Variants in TOX4 observed in about 807,000 individuals in gnomAD.
The protein encoded by TOX4 is epidermal Langerhans cell protein LCP1.
TOX4 carries 12 observed loss-of-function variants against 61.0 expected under a neutral mutation model. That is an observed-to-expected ratio of 0.20 (90% CI 0.13 to 0.32). The LOEUF (loss-of-function observed/expected upper bound fraction) is 0.32. Ranked by LOEUF, TOX4 falls within the 10% of genes least tolerant of loss-of-function variation. TOX4 has a pLI of 1.00. For synonymous variants in TOX4, 268 were observed against 274.8 expected (o/e 0.98, Z 0.24); for missense variants, 499 against 753.3 (o/e 0.66, Z 3.95).
Position 21,498,626 on chromosome 14 carries a change from G to C in TOX4, c.*2020G>C, listed in dbSNP as rs931381708. ...TTAGCCAGGCCTGCTTCACAGAGTT[G>C]CTACCAGGGAGTATTCTTTGGATAA... is the stretch of plus-strand genomic sequence containing the variant. On this transcript the variant is annotated 3_prime_UTR_variant, in exon 9 of 9. Transcript: ENST00000448790. 7 of 530,688 alleles carry C rather than the reference G, an allele frequency of 1.3e-5. No individual in the cohort carries two copies. In the African/African-American group the frequency reaches 1.3e-4, roughly 10 times the overall value. The allele number at this position is 530,688 out of a possible 1,614,324, so 32.9% of individuals were successfully genotyped here. A position where few individuals can be genotyped will look rare whatever the true frequency, so the allele number is the denominator to read the frequency against.
rs935702389 is a variant in TOX4 at position 21,488,233 on chromosome 14, T to A, written c.319-357T>A. ...TTATTTATGCTGATTGCCTATGTAT[T>A]ACAATTTTAAAAGCTATTATTTTGG... On this transcript the variant is annotated intron_variant, in intron 3 of 8. Coordinates refer to ENST00000448790, the MANE Select transcript of TOX4 (RefSeq NM_014828.4). 32 of 210,898 alleles carry A rather than the reference T, an allele frequency of 1.5e-4. 1 individual carries two copies. Among genetic ancestry groups the A allele is most frequent in the African/African-American group, 6.8e-4 (29 of 42,900 alleles). 13.1% of individuals were successfully genotyped at this position (210,898 alleles called of 1,614,324 possible). A position where few individuals can be genotyped will look rare whatever the true frequency, so the allele number is the denominator to read the frequency against.
Position 21,486,369 on chromosome 14 carries a change from T to C in TOX4, c.76-1082T>C, listed in dbSNP as rs1484894539. Among the ~76,000 whole-genome samples the C allele has an allele frequency of 1.9e-5, 2 of 107,488 alleles. 1 individual carries two copies. The highest frequency in any genetic ancestry group is 4.1e-5 in the Non-Finnish European group (2 of 48,848). The allele number at this position is 107,488 out of a possible 152,430, so 70.5% of individuals were successfully genotyped here. The stretch of plus-strand genomic sequence containing the variant: ...TTGGTTGGGGTGGGGGTAATCATTA[T>C]TAGGATATTATCATTCATAACAATG... On this transcript the variant is annotated intron_variant, in intron 2 of 8. Transcript: ENST00000448790.
At chr14:21,494,010 GA>G (rs1274449455) in intron 7 of TOX4, among the ~76,000 whole-genome samples, 12 of 151,914 alleles carry the variant, frequency 7.9e-5, no homozygotes, top group African/African-American at 2.7e-4. Context: ...CGGCCTCCCA[GA>G]GTGCAGGGAT....
rs1891462379 is a variant in TOX4 at position 21,498,410 on chromosome 14, A to C, written c.*1804A>C. 2 of 1,596,640 alleles carry C rather than the reference A, an allele frequency of 1.3e-6. No individual in the cohort carries two copies. Among genetic ancestry groups the C allele is most frequent in the African/African-American group, 2.7e-5 (2 of 74,452 alleles). ...AGGAGGGGCAAACCAGAAATCCTGG[A>C]ATTAGAGGGTTTAATATTGTTAAAA... On this transcript the variant is annotated 3_prime_UTR_variant, in exon 9 of 9. Transcript: ENST00000448790.
chr14:21,498,439 G>T lies in TOX4; in HGVS notation c.*1833G>T. ...AGAGGGTTTAATATTGTTAAAAAATGCATACCAAATGAAGACTGCCTATCA... is the reference window on the plus strand; with the variant it reads ...AGAGGGTTTAATATTGTTAAAAAATTCATACCAAATGAAGACTGCCTATCA... On this transcript the variant is annotated 3_prime_UTR_variant, in exon 9 of 9. Coordinates refer to ENST00000448790, the MANE Select transcript of TOX4 (RefSeq NM_014828.4). 8 of 1,460,654 alleles carry T rather than the reference G, an allele frequency of 5.5e-6. No homozygotes were observed. The highest frequency in any genetic ancestry group is 7.6e-6 in the Non-Finnish European group (8 of 1,052,058). 90.5% of individuals were successfully genotyped at this position (1,460,654 alleles called of 1,614,324 possible). A position where few individuals can be genotyped will look rare whatever the true frequency, so the allele number is the denominator to read the frequency against.
At chr14:21,486,965 T>TTAGC (rs1594427114) in intron 2 of TOX4, among the ~76,000 whole-genome samples, 1 of 152,222 alleles carries the variant, frequency 6.6e-6, no homozygotes, top group East Asian at 1.9e-4. Flanking sequence ...ACAGTACATT[T>TTAGC]TAGCATCTGT....
intron 1 of TOX4, 40 bp from the exon 2 acceptor site, chr14:21,477,456 T>TC: frequency 2.5e-6 from 4 of 1,612,126 alleles, no homozygotes; most frequent in Non-Finnish European, 3.4e-6. Flanking sequence ...GACTCCCTGC[T>TC]CCCCCTAACT....
chr14:21,498,982 A>T lies in TOX4; in HGVS notation c.*2376A>T. The T allele has an allele frequency of 7.4e-7, 1 of 1,354,376 alleles. No individual in the cohort carries two copies. Among genetic ancestry groups the T allele is most frequent in the Non-Finnish European group, 1.1e-6 (1 of 943,616 alleles). 83.9% of individuals were successfully genotyped at this position (1,354,376 alleles called of 1,614,324 possible). A position where few individuals can be genotyped will look rare whatever the true frequency, so the allele number is the denominator to read the frequency against. On this transcript the variant is annotated 3_prime_UTR_variant, in exon 9 of 9. Coordinates refer to ENST00000448790, the MANE Select transcript of TOX4 (RefSeq NM_014828.4). ...TACTAAGTTCTGTCCTTAATCATAA[A>T]TAATAGCCCCTTGAGGACTAGCCTG... is the stretch of plus-strand genomic sequence containing the variant.
At position 21,498,734 on chromosome 14, in the gene TOX4, A is replaced by T; in HGVS notation, c.*2128A>T. On this transcript the variant is annotated 3_prime_UTR_variant, in exon 9 of 9. Coordinates refer to ENST00000448790, the MANE Select transcript of TOX4 (RefSeq NM_014828.4). The stretch of plus-strand genomic sequence containing the variant: ...TGACAGATTAAATAGATAACTTCGT[A>T]ACCACCAGGGGGCAGATTCAATACA... The T allele has an allele frequency of 2.2e-6, 1 of 463,744 alleles. No homozygotes were observed. The highest frequency in any genetic ancestry group is 2.9e-5 in the South Asian group (1 of 33,972). The allele number at this position is 463,744 out of a possible 1,614,324, so 28.7% of individuals were successfully genotyped here.
At chr14:21,482,422 A>C in intron 2 of TOX4, 5 of 354,874 alleles carry the variant, frequency 1.4e-5, no homozygotes, top group Middle Eastern at 5.1e-4. Context: ...CTATATAATA[A>C]GCTAAAGAAA....
chr14:21,489,528 A>G, intron 5 of TOX4, 125 bp downstream of exon 5: 1 of 848,394 alleles, frequency 1.2e-6, no homozygotes. Flanking sequence ...ACACTTAAAT[A>G]TCATCCCTTG....
chr14:21,495,201 C>T lies in TOX4; in HGVS notation c.1642-28C>T, dbSNP rs376182494. 7.5e-6 allele frequency: 12 copies of T among 1,608,948 alleles called. No individual in the cohort carries two copies. In the African/African-American group the frequency reaches 1.5e-4, roughly 20 times the overall value. On this transcript the variant is annotated intron_variant, in intron 7 of 8. Coordinates refer to ENST00000448790, the MANE Select transcript of TOX4 (RefSeq NM_014828.4). The stretch of plus-strand genomic sequence containing the variant: ...TAGCTAGGCAGGGAGCAATCTAATC[C>T]ACCTTGGTACTCTTCTTCTTCTCAC...
chr14:21,497,045 T>TATCA lies in TOX4; in HGVS notation c.*440_*443dup. The TATCA allele has an allele frequency of 5.8e-6, 1 of 171,882 alleles. No homozygotes were observed. The highest frequency in any genetic ancestry group is 1.3e-4 in the South Asian group (1 of 7,538). 10.6% of individuals were successfully genotyped at this position (171,882 alleles called of 1,614,324 possible). A position where few individuals can be genotyped will look rare whatever the true frequency, so the allele number is the denominator to read the frequency against. ...CTCATAAAAAAATGTTATTCCCCATTATCACATCAGTACACTGCTTTGAAA... is the reference window on the plus strand; with the variant it reads ...CTCATAAAAAAATGTTATTCCCCATTATCAATCACATCAGTACACTGCTTTGAAA... On this transcript the variant is annotated 3_prime_UTR_variant, in exon 9 of 9. Transcript: ENST00000448790.
chr14:21,489,810 T>G (rs1566483237), intron 5 of TOX4, among the ~76,000 whole-genome samples: 1 of 151,934 alleles, frequency 6.6e-6, no homozygotes, highest in East Asian at 2.0e-4. Context: ...CTCGATCTCC[T>G]GACCTCGTGA....
Position 21,493,018 on chromosome 14 carries a change from C to T in TOX4, c.1402C>T (p.Pro468Ser). ...QQVTILQQPP[P>S]LQAMQQPPPQ... ...AGTTACCATTCTGCAGCAGCCTCCT[C>T]CACTCCAGGCCATGCAACAGCCTCC... The change falls in exon 7 of 9, where the codon CCA (proline) becomes TCA (serine). Residue 468 changes from proline to serine, a missense_variant. Transcript: ENST00000448790. 6.2e-7 allele frequency: 1 copy of T among 1,613,680 alleles called. No individual in the cohort carries two copies. Among genetic ancestry groups the T allele is most frequent in the South Asian group, 1.1e-5 (1 of 91,016 alleles).
At chr14:21,491,131 TTTTC>T (rs71419139) in intron 5 of TOX4, among the ~76,000 whole-genome samples, 73,637 of 151,460 alleles carry the variant, frequency 0.49, 18,037 homozygotes, top group East Asian at 0.63. Flanking sequence ...GGCCTATTTT[TTTTC>T]TTTCTTTTTC....
Position 21,492,885 on chromosome 14 carries a change from G to A in TOX4, c.1269G>A (p.Val423=). 2.5e-6 allele frequency: 4 copies of A among 1,607,364 alleles called. No homozygotes were observed. Among genetic ancestry groups the A allele is most frequent in the Non-Finnish European group, 2.5e-6 (3 of 1,178,306 alleles). Residue 423 remains valine (V), a synonymous_variant, in exon 7 of 9, where the codon GTG becomes GTA. Transcript: ENST00000448790. The part of the protein sequence containing the change: ...SQQAQIVTRS[V]LQAAAAAAAA... ...AAGCCCAGATTGTCACTCGGTCAGTGTTGCAGGCAGCAGCAGCTGCTGCTG... is the reference window on the plus strand; with the variant it reads ...AAGCCCAGATTGTCACTCGGTCAGTATTGCAGGCAGCAGCAGCTGCTGCTG...
intron 1 of TOX4, 73 bp from the exon 2 acceptor site, chr14:21,477,423 G>A (rs1048146013): frequency 2.5e-6 from 4 of 1,610,238 alleles, no homozygotes; most frequent in Non-Finnish European, 3.4e-6. Context: ...GAATGTCAGG[G>A]TCAAAAGCCA....
rs984611165 is a variant in TOX4 at position 21,498,920 on chromosome 14, G to A, written c.*2314G>A. On this transcript the variant is annotated 3_prime_UTR_variant, in exon 9 of 9. Transcript: ENST00000448790. ...TTAAGTGGCTTATGAATCCTGTGAA[G>A]CTCATTTATGGACTAGTGTAAAACA... The A allele has an allele frequency of 1.4e-5, 10 of 735,638 alleles. No individual in the cohort carries two copies. Among genetic ancestry groups the A allele is most frequent in the Admixed American group, 2.4e-5 (1 of 41,244 alleles). The allele number at this position is 735,638 out of a possible 1,614,324, so 45.6% of individuals were successfully genotyped here. A position where few individuals can be genotyped will look rare whatever the true frequency, so the allele number is the denominator to read the frequency against.
Sources: allele counts gnomAD v4.1 joint callset (sites outside exome capture counted in the v4.1 genomes callset), GRCh38; gene constraint gnomAD v4.1.1; transcripts MANE v1.5; gene names NCBI Gene and HGNC (gene_info 2026-07-23, HGNC 2026-07-21).